The following RPS6KC1 variants were observed in gnomAD, a reference collection of about 807,000 sequenced individuals.
The protein encoded by RPS6KC1 is inactive ribosomal protein S6 kinase delta-1.
RPS6KC1 carries 54 observed loss-of-function variants against 103.8 expected under a neutral mutation model. That is an observed-to-expected ratio of 0.52 (90% CI 0.42 to 0.65). The LOEUF (loss-of-function observed/expected upper bound fraction) is 0.65. Ranked by LOEUF, RPS6KC1 falls within the 30% of genes least tolerant of loss-of-function variation. RPS6KC1 has a pLI of 0.00. For synonymous variants in RPS6KC1, 439 were observed against 438.7 expected (o/e 1.00, Z -0.01); for missense variants, 1,151 against 1,253.8 (o/e 0.92, Z 1.24).
the RPS6KC1 span, among the ~76,000 whole-genome samples, chr1:213,520,115 C>A: frequency 6.6e-6 from 1 of 152,174 alleles, no homozygotes; most frequent in African/African-American, 2.4e-5. Context: ...CTGTCTCCTT[C>A]TTGCTCTTAA....
chr1:213,075,580 A>G (rs1396840606), intron 2 of RPS6KC1, among the ~76,000 whole-genome samples: 1 of 152,104 alleles, frequency 6.6e-6, no homozygotes, highest in Non-Finnish European at 1.5e-5. Flanking sequence ...TCCTAAGTCA[A>G]ATGTGTTGAA....
downstream of RPS6KC1, among the ~76,000 whole-genome samples, chr1:213,278,122 T>C (rs1275803079): frequency 2.6e-5 from 4 of 151,932 alleles, no homozygotes; most frequent in Admixed American, 6.6e-5. Flanking sequence ...GGAGAATTCC[T>C]TGAGCCCGGG....
intron 6 of RPS6KC1, among the ~76,000 whole-genome samples, chr1:213,131,227 C>T (rs989982793): frequency 1.8e-4 from 27 of 151,980 alleles, no homozygotes; most frequent in African/African-American, 6.0e-4. Context: ...TATTGTCTTA[C>T]TAAAGTTGCT....
rs1462188452 is a variant in RPS6KC1 at position 213,065,010 on chromosome 1, TC to T, written c.106-5994del. On this transcript the variant is annotated intron_variant, in intron 1 of 14. Coordinates refer to ENST00000366960, the MANE Select transcript of RPS6KC1 (RefSeq NM_012424.6). Reference sequence around the variant, plus strand: ...TTTTTTTTTTGAGACAGAGTCTTGCTCCGTTGCCCAGGTTGGAATGCAGTGG... The same window carrying T: ...TTTTTTTTTTGAGACAGAGTCTTGCTCGTTGCCCAGGTTGGAATGCAGTGG... Among the ~76,000 whole-genome samples the T allele has an allele frequency of 6.4e-4, 72 of 112,780 alleles. 1 individual carries two copies. The highest frequency in any genetic ancestry group is 9.6e-4 in the Non-Finnish European group (55 of 57,066). 74.0% of individuals were successfully genotyped at this position (112,780 alleles called of 152,430 possible).
chr1:213,261,147 A>G (rs1437236643), intron 12 of RPS6KC1, among the ~76,000 whole-genome samples: 1 of 152,156 alleles, frequency 6.6e-6, no homozygotes, highest in Non-Finnish European at 1.5e-5. Flanking sequence ...GATGATTAAT[A>G]TTGGTTTAGA....
At chr1:213,311,359 C>T in the RPS6KC1 span, among the ~76,000 whole-genome samples, 4 of 152,116 alleles carry the variant, frequency 2.6e-5, no homozygotes, top group Admixed American at 6.5e-5. Flanking sequence ...AGGATGGTCT[C>T]GGTCTCCTGA....
chr1:213,232,331 A>C, intron 10 of RPS6KC1, 76 bp downstream of exon 10: 2 of 1,557,090 alleles, frequency 1.3e-6, no homozygotes, highest in African/African-American at 1.4e-5. Context: ...CTGTCATTTC[A>C]TGAGCAGATA....
the RPS6KC1 span, among the ~76,000 whole-genome samples, chr1:213,289,899 C>T: frequency 1.3e-5 from 2 of 151,868 alleles, no homozygotes; most frequent in Non-Finnish European, 2.9e-5. Context: ...TTTAGCTGGG[C>T]GTGGTGGCGC....
chr1:213,736,084 C>T, the RPS6KC1 span, among the ~76,000 whole-genome samples: 2 of 152,164 alleles, frequency 1.3e-5, no homozygotes, highest in Admixed American at 6.5e-5. Context: ...AGTAACCATG[C>T]CCTGGATGAG....
chr1:213,704,276 A>G, the RPS6KC1 span, among the ~76,000 whole-genome samples: 3 of 149,114 alleles, frequency 2.0e-5, no homozygotes, highest in African/African-American at 7.4e-5. Flanking sequence ...AGTCCCAGCT[A>G]CTCGGGAGGC....
At chr1:213,259,568 A>G (rs753604452) in intron 12 of RPS6KC1, among the ~76,000 whole-genome samples, 5 of 152,152 alleles carry the variant, frequency 3.3e-5, no homozygotes, top group Non-Finnish European at 7.4e-5. Flanking sequence ...GTCTCAAAAA[A>G]TACTCACCAC....
chr1:213,662,015 T>C, the RPS6KC1 span, among the ~76,000 whole-genome samples: 1 of 152,184 alleles, frequency 6.6e-6, no homozygotes, highest in Non-Finnish European at 1.5e-5. Context: ...CTGAAATTTC[T>C]AAGAAAACAT....
At chr1:213,124,288 G>A (rs1027915813) in intron 5 of RPS6KC1, among the ~76,000 whole-genome samples, 1 of 152,134 alleles carries the variant, frequency 6.6e-6, no homozygotes, top group Non-Finnish European at 1.5e-5. Context: ...TTACTCTTGC[G>A]ATGGCCCAGA....
intron 8 of RPS6KC1, among the ~76,000 whole-genome samples, chr1:213,195,702 C>T (rs375527067): frequency 5.9e-5 from 9 of 152,002 alleles, no homozygotes; most frequent in East Asian, 3.8e-4. Context: ...TAAGTGAGAA[C>T]GTATGATGTT....
the RPS6KC1 span, among the ~76,000 whole-genome samples, chr1:213,743,744 G>A: frequency 6.6e-6 from 1 of 152,122 alleles, no homozygotes; most frequent in Non-Finnish European, 1.5e-5. Flanking sequence ...CGCTGGGAGA[G>A]GTGCTGATGA....
At chr1:213,498,546 C>T in the RPS6KC1 span, among the ~76,000 whole-genome samples, 1 of 151,716 alleles carries the variant, frequency 6.6e-6, no homozygotes, top group Non-Finnish European at 1.5e-5. Flanking sequence ...GCTCTGCCTC[C>T]CAGATTCACG....
the RPS6KC1 span, among the ~76,000 whole-genome samples, chr1:213,513,460 A>G: frequency 2.4e-4 from 22 of 92,600 alleles, no homozygotes; most frequent in Non-Finnish European, 4.3e-4. Flanking sequence ...GAACAATTGA[A>G]GAAAGAGATA....
At chr1:213,243,087 C>A (rs1405306269) in intron 12 of RPS6KC1, among the ~76,000 whole-genome samples, 1 of 152,010 alleles carries the variant, frequency 6.6e-6, no homozygotes, top group Non-Finnish European at 1.5e-5. Flanking sequence ...CCTCCCAACT[C>A]CTGGGCTCAG....
the RPS6KC1 span, among the ~76,000 whole-genome samples, chr1:213,376,454 C>T: frequency 2.6e-5 from 4 of 151,540 alleles, no homozygotes; most frequent in African/African-American, 9.7e-5. Flanking sequence ...TTTCAGCTAT[C>T]ATGAGTAATG....
Sources: gnomAD v4.1 joint callset for allele counts (sites outside exome capture counted in the v4.1 genomes callset) on GRCh38, gnomAD v4.1.1 for gene constraint, MANE v1.5 for transcripts, NCBI Gene and HGNC (gene_info 2026-07-23, HGNC 2026-07-21) for gene names.